GHRHR: variants seen among roughly 807,000 people sequenced by gnomAD.
The protein encoded by GHRHR is growth hormone-releasing hormone receptor.
In GHRHR, 40 loss-of-function variants were observed where a neutral mutation model predicts 58.3. That is an observed-to-expected ratio of 0.69 (90% CI 0.53 to 0.89). The LOEUF (loss-of-function observed/expected upper bound fraction) is 0.89, where lower values mean the gene tolerates loss of function less well. Ranked by LOEUF, GHRHR falls within the 40% of genes least tolerant of loss-of-function variation. The pLI is 0.00. For synonymous variants in GHRHR, 249 were observed against 216.6 expected (o/e 1.15, Z -1.31); for missense variants, 551 against 541.3 (o/e 1.02, Z -0.18).
intron 12 of GHRHR, among the ~76,000 whole-genome samples, chr7:30,978,190 T>G (rs1792624598): frequency 6.6e-6 from 1 of 152,184 alleles, no homozygotes; most frequent in South Asian, 2.1e-4. Flanking sequence ...TTACTGCTCC[T>G]TCCACTCTCC....
chr7:30,969,551 T>C, intron 3 of GHRHR: 1 of 602,084 alleles, frequency 1.7e-6, no homozygotes, highest in Non-Finnish European at 2.9e-6. Context: ...CTGGCCTAGG[T>C]GCTGGGACAG....
In GHRHR at chr7:30,969,073, G is replaced by A. The variant is rs369751652; in HGVS notation, c.171G>A (p.Ala57=). 446 of 1,579,350 alleles carry A rather than the reference G, an allele frequency of 2.8e-4. 4 individuals carry two copies. The South Asian group carries it at 4.6e-3, about 16-fold the overall frequency. ...TGGCTCTCTATCCAGGCTGCCCTGC[G>A]ACCTGGGATGGGCTGCTGTGCTGGC... is the stretch of plus-strand genomic sequence containing the variant. The part of the protein sequence containing the change: ...EMPNTTLGCP[A]TWDGLLCWPT... Residue 57 remains alanine (A), a synonymous_variant, in exon 3 of 13, where the codon GCG becomes GCA. Transcript: ENST00000326139.
intron 6 of GHRHR, 149 bp downstream of exon 6, chr7:30,972,244 T>C: frequency 1.3e-6 from 1 of 768,200 alleles, no homozygotes; most frequent in Non-Finnish European, 2.1e-6. Context: ...AATGCTCCTT[T>C]CCCATGTCAC....
rs376278130 is a variant in GHRHR, at chr7:30,974,059, C to G, written c.672C>G (p.Ala224=). Residue 224 remains alanine (A), a synonymous_variant, in exon 7 of 13, where the codon GCC becomes GCG. Transcript: ENST00000326139. The part of the protein sequence containing the change: ...MTNFSWLLAE[A]VYLNCLLAST... ...ACTTCAGCTGGCTGTTGGCAGAAGC[C>G]GTCTACCTGAACTGCCTCCTGGCCT... is the stretch of plus-strand genomic sequence containing the variant. 4 of 1,614,060 alleles carry G rather than the reference C, an allele frequency of 2.5e-6. No individual in the cohort carries two copies. The highest frequency in any genetic ancestry group is 3.4e-6 in the Non-Finnish European group (4 of 1,179,948).
chr7:30,972,440 G>A (rs1792499387), intron 6 of GHRHR, among the ~76,000 whole-genome samples: 1 of 152,202 alleles, frequency 6.6e-6, no homozygotes, highest in Non-Finnish European at 1.5e-5. Flanking sequence ...GCAAGGGGCT[G>A]GGAGGAGCTG....
chr7:30,974,478 C>T lies in GHRHR; in HGVS notation c.801C>T (p.Phe267=), dbSNP rs562517014. The T allele has an allele frequency of 2.5e-5, 41 of 1,611,702 alleles. No homozygotes were observed. Among genetic ancestry groups the T allele is most frequent in the Admixed American group, 2.2e-4 (13 of 60,022 alleles). ...TGTWVSCKLA[F]EDIACWDLDD... Reference sequence around the variant, plus strand: ...CGTGGGTGAGCTGCAAACTGGCCTTCGAGGACATCGCGTGAGTCGGAGCGG... The same window carrying T: ...CGTGGGTGAGCTGCAAACTGGCCTTTGAGGACATCGCGTGAGTCGGAGCGG... Residue 267 remains phenylalanine (F), a synonymous_variant, in exon 8 of 13, where the codon TTC becomes TTT. Coordinates refer to ENST00000326139, the MANE Select transcript of GHRHR (RefSeq NM_000823.4).
chr7:30,969,213 C>A, intron 3 of GHRHR, 43 bp downstream of exon 3: 2 of 1,294,038 alleles, frequency 1.5e-6, no homozygotes, highest in Non-Finnish European at 1.1e-6. Flanking sequence ...GAGGTGCTTT[C>A]ATCTGGAAGT....
chr7:30,964,020 T>C lies in GHRHR; in HGVS notation c.-49T>C. The C allele has an allele frequency of 2.0e-6, 3 of 1,505,586 alleles. No homozygotes were observed. Among genetic ancestry groups the C allele is most frequent in the Non-Finnish European group, 2.7e-6 (3 of 1,106,130 alleles). 93.3% of individuals were successfully genotyped at this position (1,505,586 alleles called of 1,614,324 possible). On this transcript the variant is annotated 5_prime_UTR_variant, in exon 1 of 13. Coordinates refer to ENST00000326139, the MANE Select transcript of GHRHR (RefSeq NM_000823.4). ...TCAGGGGACAGCAGGGGAAGGAAGATAGCCAAGGCTTACTGAGGCTGGTGG... is the reference window on the plus strand; with the variant it reads ...TCAGGGGACAGCAGGGGAAGGAAGACAGCCAAGGCTTACTGAGGCTGGTGG...
At position 30,973,985 on chromosome 7, in the gene GHRHR, G is replaced by T. The variant is rs144251858; in HGVS notation, c.598G>T (p.Val200Phe). 2 of 1,613,312 alleles carry T rather than the reference G, an allele frequency of 1.2e-6. No individual in the cohort carries two copies. The highest frequency in any genetic ancestry group is 1.7e-6 in the Non-Finnish European group (2 of 1,179,992). The change falls in exon 7 of 13, where the codon GTT (valine) becomes TTT (phenylalanine). Residue 200 changes from valine to phenylalanine, a missense_variant and splice_region_variant. Physicochemically the swap from Val to Phe is conservative, Grantham distance 50 (BLOSUM62 -1). Coordinates refer to ENST00000326139, the MANE Select transcript of GHRHR (RefSeq NM_000823.4). ...GAAGCACCCAGGTCCTGGCCCCCAG[G>T]TTCTATGCAAGGTCTCTGTGGCCGC... ...DDTDHCSFST[V>F]LCKVSVAASH... is the part of the protein sequence containing the mutation.
At chr7:30,965,640 C>T (rs758854681) in intron 1 of GHRHR, among the ~76,000 whole-genome samples, 16 of 152,212 alleles carry the variant, frequency 1.1e-4, no homozygotes, top group Non-Finnish European at 1.6e-4. Flanking sequence ...TCTGTTCATC[C>T]TTTTGGCATG....
At chr7:30,970,091 G>A (rs1054266996) in intron 4 of GHRHR, 127 bp downstream of exon 4, 1 of 737,680 alleles carries the variant, frequency 1.4e-6, no homozygotes, top group Admixed American at 1.9e-5. Flanking sequence ...TTTTCCAGCA[G>A]AGAGCAGTGA....
chr7:30,968,323 C>T (rs115884179), intron 1 of GHRHR, among the ~76,000 whole-genome samples: 78 of 152,124 alleles, frequency 5.1e-4, no homozygotes, highest in African/African-American at 1.9e-3. Context: ...AGGAGAATGA[C>T]ACAGGGAAGG....
chr7:30,971,613 G>A (rs1792482099), intron 5 of GHRHR, among the ~76,000 whole-genome samples: 1 of 151,850 alleles, frequency 6.6e-6, no homozygotes, highest in Non-Finnish European at 1.5e-5. Flanking sequence ...TCTGAGCACT[G>A]CATCTGGCCT....
At chr7:30,968,389 T>C (rs10227405) in intron 1 of GHRHR, among the ~76,000 whole-genome samples, 66,007 of 151,642 alleles carry the variant, frequency 0.44, 17,420 homozygotes, top group African/African-American at 0.75. Flanking sequence ...TTCAGAAGCA[T>C]ATTGTCTAAT....
intron 1 of GHRHR, among the ~76,000 whole-genome samples, chr7:30,965,022 GC>G (rs1308557747): frequency 6.6e-6 from 1 of 152,196 alleles, no homozygotes; most frequent in Non-Finnish European, 1.5e-5. Flanking sequence ...CATGAAACTA[GC>G]CGTGTGAACT....
In GHRHR at chr7:30,977,301, C is replaced by G; in HGVS notation, c.1125C>G (p.Leu375=). Reference sequence around the variant, plus strand: ...CACAGGGCTTCATTGTTGCCATCCTCTACTGCTTCCTCAACCAAGAGGTGT... The same window carrying G: ...CACAGGGCTTCATTGTTGCCATCCTGTACTGCTTCCTCAACCAAGAGGTGT... The part of the protein sequence containing the change: ...GSFQGFIVAI[L]YCFLNQEVRT... Residue 375 remains leucine (L), a synonymous_variant, in exon 12 of 13, where the codon CTC becomes CTG. Coordinates refer to ENST00000326139, the MANE Select transcript of GHRHR (RefSeq NM_000823.4). 6.2e-7 allele frequency: 1 copy of G among 1,614,130 alleles called. No homozygotes were observed. Among genetic ancestry groups the G allele is most frequent in the Non-Finnish European group, 8.5e-7 (1 of 1,179,992 alleles).
chr7:30,975,927 T>G, intron 10 of GHRHR, 59 bp downstream of exon 10: 1 of 951,396 alleles, frequency 1.1e-6, no homozygotes, highest in African/African-American at 1.6e-5. Context: ...GGATTCAATG[T>G]GTCTGTCTCA....
chr7:30,975,343 G>A (rs1792556193), intron 9 of GHRHR, among the ~76,000 whole-genome samples: 1 of 152,218 alleles, frequency 6.6e-6, no homozygotes, highest in Non-Finnish European at 1.5e-5. Flanking sequence ...GGTGGGGGCA[G>A]TAAATGGAGT....
intron 3 of GHRHR, chr7:30,969,437 C>T (rs59765668): frequency 3.4e-6 from 2 of 594,716 alleles, no homozygotes; most frequent in Non-Finnish European, 6.0e-6. Context: ...TTAGCAGAAG[C>T]CTGGCTGCAA....
Sources: gnomAD v4.1 joint callset for allele counts (sites outside exome capture counted in the v4.1 genomes callset) on GRCh38, gnomAD v4.1.1 for gene constraint, MANE v1.5 for transcripts, NCBI Gene and HGNC (gene_info 2026-07-23, HGNC 2026-07-21) for gene names.